The following RAD51B variants were observed in gnomAD, a reference collection of about 807,000 sequenced individuals.
RAD51B encodes the protein DNA repair protein RAD51 homolog 2.
RAD51B carries 38 observed loss-of-function variants against 42.2 expected under a neutral mutation model. The ratio of observed to expected loss-of-function variants is 0.90; its 90% CI spans 0.70 to 1.18. The LOEUF (loss-of-function observed/expected upper bound fraction) is 1.18, where lower values mean the gene tolerates loss of function less well. RAD51B is among the 50% of genes most tolerant of loss of function. The probability of loss-of-function intolerance (pLI) is 0.00; values close to 1 mark genes in which losing one functional copy is unlikely to be tolerated. For missense variants in RAD51B, 373 were observed against 400.7 expected (o/e 0.93, Z 0.59); for synonymous variants, 154 against 145.2 (o/e 1.06, Z -0.43).
intron 7 of RAD51B, among the ~76,000 whole-genome samples, chr14:68,060,730 G>C (rs1461725952): frequency 6.6e-6 from 1 of 152,070 alleles, no homozygotes; most frequent in African/African-American, 2.4e-5. Context: ...TAACGTAATA[G>C]GGGAAAAAAT....
At chr14:68,511,512 T>A (rs1885726462) in intron 10 of RAD51B, among the ~76,000 whole-genome samples, 1 of 152,214 alleles carries the variant, frequency 6.6e-6, no homozygotes, top group African/African-American at 2.4e-5. Flanking sequence ...TACTTCCTAT[T>A]TTGATGATGG....
At chr14:68,213,478 G>A (rs572177126) in intron 7 of RAD51B, among the ~76,000 whole-genome samples, 3 of 152,194 alleles carry the variant, frequency 2.0e-5, no homozygotes, top group Non-Finnish European at 4.4e-5. Flanking sequence ...ACAGATTAAT[G>A]TAAAGTCCTA....
chr14:68,105,501 G>T (rs189427760), intron 7 of RAD51B, among the ~76,000 whole-genome samples: 1 of 151,890 alleles, frequency 6.6e-6, no homozygotes, highest in African/African-American at 2.4e-5. Context: ...GGGCCTGGGG[G>T]TCAGGATGGG....
intron 4 of RAD51B, 67 bp downstream of exon 4, chr14:67,835,263 A>T (rs1465056412): frequency 2.5e-5 from 29 of 1,154,972 alleles, no homozygotes; most frequent in Non-Finnish European, 3.3e-5. Context: ...GAAAAAGTTT[A>T]GTTAAAAAAC....
At chr14:68,554,331 C>CAG (rs1176881929) in intron 10 of RAD51B, among the ~76,000 whole-genome samples, 2 of 152,216 alleles carry the variant, frequency 1.3e-5, no homozygotes, top group African/African-American at 4.8e-5. Context: ...CAGGAAAAGC[C>CAG]AGTTCTTCCT....
intron 5 of RAD51B, among the ~76,000 whole-genome samples, chr14:67,882,029 G>C (rs12431490): frequency 6.6e-6 from 1 of 152,004 alleles, no homozygotes; most frequent in Non-Finnish European, 1.5e-5. Flanking sequence ...CTGGAGTACA[G>C]TGGTGCTATC....
chr14:68,434,143 G>A (rs949013457), intron 9 of RAD51B, among the ~76,000 whole-genome samples: 18 of 152,218 alleles, frequency 1.2e-4, no homozygotes, highest in African/African-American at 4.1e-4. Context: ...TGAAGTGTCA[G>A]TCTGCCCCTA....
intron 7 of RAD51B, among the ~76,000 whole-genome samples, chr14:68,116,648 CT>C: frequency 6.6e-6 from 1 of 152,260 alleles, no homozygotes; most frequent in East Asian, 1.9e-4. Flanking sequence ...TACTACATTT[CT>C]ATAGTAATTT....
intron 3 of RAD51B, among the ~76,000 whole-genome samples, chr14:67,832,430 G>A (rs2041085937): frequency 6.6e-6 from 1 of 151,802 alleles, no homozygotes; most frequent in Admixed American, 6.6e-5. Flanking sequence ...TCTCAGGATT[G>A]TGGAATTTTT....
At chr14:68,255,969 G>C (rs1292059592) in intron 7 of RAD51B, among the ~76,000 whole-genome samples, 4 of 152,132 alleles carry the variant, frequency 2.6e-5, no homozygotes, top group African/African-American at 9.7e-5. Context: ...TGCCCTGTAA[G>C]TTTGCCAATC....
intron 8 of RAD51B, among the ~76,000 whole-genome samples, chr14:68,301,253 A>T (rs1327703410): frequency 1.3e-5 from 2 of 151,988 alleles, no homozygotes; most frequent in African/African-American, 2.4e-5. Context: ...AAGGAGACAA[A>T]TGTTTTTTTG....
intron 7 of RAD51B, among the ~76,000 whole-genome samples, chr14:68,144,612 C>T (rs1356541463): frequency 6.6e-6 from 1 of 152,110 alleles, no homozygotes; most frequent in African/African-American, 2.4e-5. Context: ...CTGGAAACTT[C>T]GTTAACTATC....
At chr14:68,671,825 A>C (rs1893165372) in intron 11 of RAD51B, among the ~76,000 whole-genome samples, 1 of 152,060 alleles carries the variant, frequency 6.6e-6, no homozygotes, top group South Asian at 2.1e-4. Flanking sequence ...TTATCAAAAA[A>C]AAAAAATGTA....
intron 8 of RAD51B, among the ~76,000 whole-genome samples, chr14:68,380,130 G>A (rs1042050067): frequency 2.6e-5 from 4 of 152,086 alleles, no homozygotes; most frequent in African/African-American, 9.7e-5. Context: ...CAAAGCATCC[G>A]GGTTCTGGAG....
chr14:68,060,479 A>G (rs2076549923), intron 7 of RAD51B, among the ~76,000 whole-genome samples: 1 of 152,238 alleles, frequency 6.6e-6, no homozygotes, highest in Non-Finnish European at 1.5e-5. Context: ...AATGTAATCT[A>G]AGTTATGCAG....
intron 7 of RAD51B, among the ~76,000 whole-genome samples, chr14:68,181,180 A>G (rs1437245140): frequency 6.6e-6 from 1 of 152,258 alleles, no homozygotes; most frequent in Non-Finnish European, 1.5e-5. Context: ...AAAGGTAATC[A>G]AGATGAAGGT....
chr14:67,970,313 T>G (rs533972581), intron 7 of RAD51B, among the ~76,000 whole-genome samples: 1 of 152,268 alleles, frequency 6.6e-6, no homozygotes, highest in African/African-American at 2.4e-5. Context: ...TCATTTGGAA[T>G]TGCTGTTTAT....
chr14:68,047,483 A>C (rs1023823767), intron 7 of RAD51B, among the ~76,000 whole-genome samples: 2 of 152,158 alleles, frequency 1.3e-5, no homozygotes, highest in African/African-American at 2.4e-5. Flanking sequence ...AAGGGCAACC[A>C]CCTCTAACAC....
At chr14:68,559,804 C>G (rs1486516947) in intron 10 of RAD51B, among the ~76,000 whole-genome samples, 1 of 152,212 alleles carries the variant, frequency 6.6e-6, no homozygotes, top group Non-Finnish European at 1.5e-5. Flanking sequence ...TGACCACAGA[C>G]ACACACGCTT....
Sources: gnomAD v4.1 joint callset for allele counts (sites outside exome capture counted in the v4.1 genomes callset) on GRCh38, gnomAD v4.1.1 for gene constraint, MANE v1.5 for transcripts, NCBI Gene and HGNC (gene_info 2026-07-23, HGNC 2026-07-21) for gene names.